Variants in SH2D4A observed in about 807,000 individuals in gnomAD.
SH2D4A encodes the protein SH2 domain-containing protein 4A.
In SH2D4A, 70 loss-of-function variants were observed where a neutral mutation model predicts 64.7. That is an observed-to-expected ratio of 1.08 (90% CI 0.89 to 1.32). The LOEUF is 1.32. Among genes scored for constraint, SH2D4A ranks in the 40% most tolerant of loss-of-function variants. The pLI is 0.00. For missense variants in SH2D4A, 706 were observed against 540.1 expected (o/e 1.31, Z -3.04); for synonymous variants, 268 against 200.7 (o/e 1.34, Z -2.83).
intron 4 of SH2D4A, among the ~76,000 whole-genome samples, chr8:19,335,380 A>C (rs139575541): frequency 2.0e-5 from 3 of 152,162 alleles, no homozygotes; most frequent in Non-Finnish European, 4.4e-5. Context: ...CCCCTATTTC[A>C]TGAGACTGAA....
chr8:19,332,323 C>A (rs2052374688), intron 2 of SH2D4A, among the ~76,000 whole-genome samples: 1 of 152,208 alleles, frequency 6.6e-6, no homozygotes, highest in East Asian at 1.9e-4. Flanking sequence ...CTTCCCATTT[C>A]AGTTTCTTCA....
At chr8:19,372,340 G>A (rs1208342425) in intron 7 of SH2D4A, among the ~76,000 whole-genome samples, 3 of 152,198 alleles carry the variant, frequency 2.0e-5, no homozygotes, top group Non-Finnish European at 4.4e-5. Context: ...ATGGACCTGA[G>A]GAAGAACTCA....
At chr8:19,352,848 ATTAAAAAAAAT>A (rs2052729507) in intron 4 of SH2D4A, among the ~76,000 whole-genome samples, 1 of 152,112 alleles carries the variant, frequency 6.6e-6, no homozygotes, top group South Asian at 2.1e-4. Context: ...CTCTACTAAA[ATTAAAAAAAAT>A]TTAGCCAGGT....
chr8:19,340,875 G>C (rs1002537560), intron 4 of SH2D4A, among the ~76,000 whole-genome samples: 30 of 152,202 alleles, frequency 2.0e-4, no homozygotes, highest in East Asian at 1.9e-4. Context: ...TGGAATTACA[G>C]GTGTGAGCCA....
Position 19,394,614 on chromosome 8 carries a change from T to C in SH2D4A, c.1337T>C (p.Leu446Pro). 1 of 1,611,202 alleles carries C rather than the reference T, an allele frequency of 6.2e-7. No homozygotes were observed. Among genetic ancestry groups the C allele is most frequent in the Non-Finnish European group, 8.5e-7 (1 of 1,178,260 alleles). The change falls in exon 10 of 10, where the codon CTG becomes CCG. Residue 446 changes from leucine (L) to proline (P), a missense_variant. Physicochemically the swap from Leu to Pro is moderately conservative, Grantham distance 98. Transcript: ENST00000265807. ...TATCCCTGTGGTCAGCAGGACCAGC[T>C]GCCTGACTACCTGGAGCTGTTTGAG... The part of the protein sequence containing the change: ...LLYPCGQQDQ[L>P]PDYLELFE
intron 8 of SH2D4A, among the ~76,000 whole-genome samples, chr8:19,379,582 A>G (rs991738427): frequency 9.9e-5 from 15 of 152,186 alleles, no homozygotes; most frequent in African/African-American, 2.9e-4. Flanking sequence ...TGAACTTTAT[A>G]GAAACTGGCC....
At position 19,393,367 on chromosome 8, in the gene SH2D4A, G is replaced by GCCCGGCAGTTTTCTCATCC. The variant is rs772030390; in HGVS notation, c.1099_1117dup (p.Arg373ProfsTer10). The GCCCGGCAGTTTTCTCATCC allele has an allele frequency of 4.5e-5, 73 of 1,614,090 alleles. No individual in the cohort carries two copies. The highest frequency in any genetic ancestry group is 5.7e-5 in the Non-Finnish European group (67 of 1,180,042). On this transcript the variant is annotated frameshift_variant, in exon 9 of 10. Transcript: ENST00000265807. LOFTEE classifies it high-confidence loss of function. ...ATGAACTTCTTCTGAGCACAGGCATGCCCGGCAGTTTTCTCATCCGAGTCA... is the reference window on the plus strand; with the variant it reads ...ATGAACTTCTTCTGAGCACAGGCATGCCCGGCAGTTTTCTCATCCCCCGGCAGTTTTCTCATCCGAGTCA...
intron 6 of SH2D4A, 48 bp from the exon 7 acceptor site, chr8:19,364,024 T>C (rs1362635723): frequency 8.8e-6 from 14 of 1,588,298 alleles, no homozygotes; most frequent in Non-Finnish European, 1.1e-5. Context: ...CCTTCTCACC[T>C]GCTCTGTGGG....
chr8:19,336,287 G>C, intron 4 of SH2D4A, among the ~76,000 whole-genome samples: 1 of 152,156 alleles, frequency 6.6e-6, no homozygotes, highest in East Asian at 1.9e-4. Context: ...ATGTTTGGTT[G>C]TGTCATTAAT....
At chr8:19,318,450 A>C (rs983419651) in intron 1 of SH2D4A, among the ~76,000 whole-genome samples, 3 of 152,246 alleles carry the variant, frequency 2.0e-5, no homozygotes, top group African/African-American at 7.2e-5. Context: ...TGGAAAGTAG[A>C]ATGAAACCTC....
At chr8:19,346,798 A>G (rs901818319) in intron 4 of SH2D4A, among the ~76,000 whole-genome samples, 3 of 152,280 alleles carry the variant, frequency 2.0e-5, no homozygotes, top group African/African-American at 4.8e-5. Context: ...AGCAGCAACA[A>G]TTGCCTCCTG....
In SH2D4A at chr8:19,357,278, C is replaced by G; in HGVS notation, c.589C>G (p.His197Asp). 1.9e-6 allele frequency: 3 copies of G among 1,612,416 alleles called. No homozygotes were observed. The highest frequency in any genetic ancestry group is 2.5e-6 in the Non-Finnish European group (3 of 1,178,422). Reference sequence around the variant, plus strand: ...CAATCGTATGAAGGCATATGCATTTCACCAGGTAAAAGACTTCCCTTCTGT... The same window carrying G: ...CAATCGTATGAAGGCATATGCATTTGACCAGGTAAAAGACTTCCCTTCTGT... ...SINRMKAYAF[H>D]QKKESMKKKQ... The change falls in exon 5 of 10, where the codon CAC becomes GAC. Residue 197 changes from histidine (H) to aspartate (D), a missense_variant. His to Asp is a moderately conservative substitution (Grantham distance 81). Transcript: ENST00000265807.
At chr8:19,325,532 G>T (rs1008274913) in intron 2 of SH2D4A, among the ~76,000 whole-genome samples, 8 of 152,190 alleles carry the variant, frequency 5.3e-5, no homozygotes, top group Non-Finnish European at 1.0e-4. Context: ...ATTAAACTGG[G>T]ATTGGCTTCC....
chr8:19,338,095 A>G (rs1024655659), intron 4 of SH2D4A, among the ~76,000 whole-genome samples: 3 of 152,184 alleles, frequency 2.0e-5, no homozygotes, highest in South Asian at 4.1e-4. Flanking sequence ...GTTTATGGCC[A>G]TTCATTGCAG....
intron 6 of SH2D4A, among the ~76,000 whole-genome samples, chr8:19,363,648 T>C (rs1310609305): frequency 1.3e-5 from 2 of 152,172 alleles, no homozygotes; most frequent in Admixed American, 6.5e-5. Flanking sequence ...TCCTGATCTC[T>C]GCTAGTGAGT....
intron 2 of SH2D4A, among the ~76,000 whole-genome samples, chr8:19,329,508 G>C (rs1194928678): frequency 6.6e-6 from 1 of 152,122 alleles, no homozygotes; most frequent in Non-Finnish European, 1.5e-5. Context: ...GGGACTACTA[G>C]AATGTTAGTT....
At chr8:19,339,072 T>C (rs1373984389) in intron 4 of SH2D4A, among the ~76,000 whole-genome samples, 1 of 152,202 alleles carries the variant, frequency 6.6e-6, no homozygotes, top group Non-Finnish European at 1.5e-5. Flanking sequence ...CCGAAGGCCT[T>C]AGAGCCCCTG....
intron 3 of SH2D4A, among the ~76,000 whole-genome samples, chr8:19,333,427 G>C (rs1302588675): frequency 6.6e-6 from 1 of 152,148 alleles, no homozygotes; most frequent in Non-Finnish European, 1.5e-5. Context: ...ATCTGTATGA[G>C]TGTATGAGTT....
At chr8:19,344,085 G>A (rs76438781) in intron 4 of SH2D4A, among the ~76,000 whole-genome samples, 5,658 of 152,274 alleles carry the variant, frequency 0.037, 164 homozygotes, top group South Asian at 0.093. Flanking sequence ...GATGCTAACA[G>A]GTCACCTTAT....
Sources: gnomAD v4.1 joint callset for allele counts (sites outside exome capture counted in the v4.1 genomes callset) on GRCh38, gnomAD v4.1.1 for gene constraint, MANE v1.5 for transcripts, NCBI Gene and HGNC (gene_info 2026-07-23, HGNC 2026-07-21) for gene names.